Variants in ZFHX3 observed in about 807,000 individuals in gnomAD.
ZFHX3 encodes the protein zinc finger homeobox protein 3.
Under a neutral mutation model 279.1 loss-of-function variants are expected in ZFHX3, and 42 were observed. The ratio of observed to expected loss-of-function variants is 0.15; its 90% CI spans 0.12 to 0.19. ZFHX3 has a LOEUF of 0.19. Ranked by LOEUF, ZFHX3 falls within the 10% of genes least tolerant of loss-of-function variation. ZFHX3 has a pLI of 1.00. For missense variants in ZFHX3, 4,981 were observed against 4,754.0 expected (o/e 1.05, Z -1.40); for synonymous variants, 2,293 against 1,957.8 (o/e 1.17, Z -4.52).
intron 4 of ZFHX3, among the ~76,000 whole-genome samples, chr16:72,885,031 A>G (rs1367529436): frequency 6.6e-6 from 1 of 152,248 alleles, no homozygotes; most frequent in Non-Finnish European, 1.5e-5. Context: ...GAGGAACCTC[A>G]CCTGGTTAGT....
At chr16:72,800,652 G>A (rs996433962) in intron 7 of ZFHX3, among the ~76,000 whole-genome samples, 2 of 152,160 alleles carry the variant, frequency 1.3e-5, no homozygotes, top group African/African-American at 4.8e-5. Context: ...CAAAGGGAAG[G>A]CTAGGGACAC....
In ZFHX3 at chr16:73,488,257, G is replaced by A. The variant is rs116183530; in HGVS notation, c.-1546-31999C>T. On this transcript the variant is annotated intron_variant, in intron 2 of 17. Coordinates refer to the ZFHX3 transcript ENST00000641206. ...ATCCTTTAGGGCTGGCTGATCAGAA[G>A]TGTTGCAATACCAGGGCAGGTTGAG... Among the ~76,000 whole-genome samples, 389 of 152,308 alleles carry A rather than the reference G, an allele frequency of 2.6e-3. 4 individuals are homozygous for A. The highest frequency in any genetic ancestry group is 8.8e-3 in the African/African-American group (367 of 41,570).
intron 7 of ZFHX3, among the ~76,000 whole-genome samples, chr16:73,125,756 T>C (rs1966558223): frequency 6.6e-6 from 1 of 152,058 alleles, no homozygotes; most frequent in Admixed American, 6.6e-5. Flanking sequence ...TGTGATCGTG[T>C]GAGTTAATAC....
chr16:73,535,826 G>A (rs1057154194), intron 2 of ZFHX3, among the ~76,000 whole-genome samples: 4 of 150,890 alleles, frequency 2.7e-5, no homozygotes, highest in Admixed American at 2.0e-4. Flanking sequence ...GGGCTCAAGC[G>A]ATTCTCCTGT....
intron 5 of ZFHX3, among the ~76,000 whole-genome samples, chr16:73,225,181 T>A (rs1005342870): frequency 4.6e-5 from 7 of 152,212 alleles, no homozygotes; most frequent in African/African-American, 1.7e-4. Flanking sequence ...TGGGTATGTA[T>A]TACACACTTG....
rs1415456840 is a variant in ZFHX3, at chr16:73,873,720, A to G, written c.-1608+17931T>C. On this transcript the variant is annotated intron_variant, in intron 1 of 17. Coordinates refer to the ZFHX3 transcript ENST00000641206. ...CTATGACTCTTTAGAAAGGAAAAAA[A>G]TGCATATGAATCAAATAATGTTGAT... 3.3e-5 allele frequency among the ~76,000 whole-genome samples: 5 copies of G among 152,364 alleles called. No individual in the cohort carries two copies. In the East Asian group the frequency reaches 9.6e-4, roughly 29 times the overall value.
chr16:73,044,751 A>C (rs1965231795), intron 1 of ZFHX3, among the ~76,000 whole-genome samples: 1 of 152,106 alleles, frequency 6.6e-6, no homozygotes, highest in Non-Finnish European at 1.5e-5. Context: ...CCTCCTGAGT[A>C]GCTGGAGTTA....
At position 72,787,660 on chromosome 16, in the gene ZFHX3, C is replaced by T; in HGVS notation, c.10616G>A (p.Cys3539Tyr). Residue 3539 changes from cysteine (C) to tyrosine (Y), a missense_variant, in exon 10 of 10, where the codon TGT becomes TAT. Around this residue, in one of 7 missense-constraint regions of ZFHX3, gnomAD observed 1,034 missense variants for 786.0 expected, o/e 1.32. Transcript: ENST00000268489. ...YHCLACESAL[C>Y]GEEALSQHLE... ...ATGTTGACTCAGAGCTTCCTCCCCACAGAGCGCGCTCTCGCACGCCAGGCA... is the reference window on the plus strand; with the variant it reads ...ATGTTGACTCAGAGCTTCCTCCCCATAGAGCGCGCTCTCGCACGCCAGGCA... The T allele has an allele frequency of 6.3e-7, 1 of 1,582,454 alleles. No homozygotes were observed. The highest frequency in any genetic ancestry group is 8.6e-7 in the Non-Finnish European group (1 of 1,163,880).
chr16:72,788,272 A>G lies in ZFHX3; in HGVS notation c.10004T>C (p.Met3335Thr), dbSNP rs751474540. Residue 3335 changes from methionine (M) to threonine (T), a missense_variant, in exon 10 of 10, where the codon ATG becomes ACG. By Grantham distance (81) the Met-to-Thr change is moderately conservative. This residue lies in a region of ZFHX3 where 1,034 missense variants were observed against 786.0 expected (regional missense o/e 1.32). Transcript: ENST00000268489. ...GGGGAACAGGCCTTCCATGCCATAC[A>G]TAGGCTGCAGGTACCCGCTCTGCAG... ...GALQSGYLQPMYGMEGLFPYS... is the reference protein window; with the variant it reads ...GALQSGYLQPTYGMEGLFPYS... 7 of 1,614,078 alleles carry G rather than the reference A, an allele frequency of 4.3e-6. No homozygotes were observed. The highest frequency in any genetic ancestry group is 4.0e-5 in the African/African-American group (3 of 74,936).
At chr16:73,355,606 G>A (rs2016326760) in intron 3 of ZFHX3, among the ~76,000 whole-genome samples, 1 of 152,182 alleles carries the variant, frequency 6.6e-6, no homozygotes, top group African/African-American at 2.4e-5. Context: ...GGCACTTTCT[G>A]TGATACAAGA....
At chr16:73,356,654 G>A (rs2016346070) in intron 3 of ZFHX3, among the ~76,000 whole-genome samples, 1 of 152,072 alleles carries the variant, frequency 6.6e-6, no homozygotes, top group East Asian at 1.9e-4. Flanking sequence ...CATATGCTGA[G>A]CACCTTCTTG....
At chr16:73,243,072 A>C (rs2013173885) in intron 5 of ZFHX3, among the ~76,000 whole-genome samples, 1 of 152,212 alleles carries the variant, frequency 6.6e-6, no homozygotes. Context: ...TGTGCAGTTC[A>C]GCCAGGAGAG....
intron 2 of ZFHX3, among the ~76,000 whole-genome samples, chr16:73,654,547 A>G (rs2052703274): frequency 6.6e-6 from 1 of 152,156 alleles, no homozygotes; most frequent in South Asian, 2.1e-4. Flanking sequence ...ATTCATGAAC[A>G]TAGATATGAA....
chr16:73,433,024 G>A (rs889392991), intron 3 of ZFHX3, among the ~76,000 whole-genome samples: 53 of 152,198 alleles, frequency 3.5e-4, no homozygotes, highest in Admixed American at 3.5e-3. Context: ...ACAGGAGGGA[G>A]AGGCTGGGGC....
chr16:72,829,018 TAG>T (rs2143716671), intron 5 of ZFHX3, among the ~76,000 whole-genome samples: 1 of 150,390 alleles, frequency 6.6e-6, no homozygotes, highest in East Asian at 2.0e-4. Context: ...TTCCCCGAGA[TAG>T]AGTCTCACTC....
At chr16:72,812,078 C>T (rs748629306) in intron 5 of ZFHX3, 40 bp from the exon 6 acceptor site, 1 of 1,604,156 alleles carries the variant, frequency 6.2e-7, no homozygotes, top group East Asian at 2.2e-5. Flanking sequence ...GCAGCCAGAC[C>T]AGGCCAGCTC....
At chr16:72,981,545 T>C (rs752583544) in intron 1 of ZFHX3, among the ~76,000 whole-genome samples, 1 of 152,234 alleles carries the variant, frequency 6.6e-6, no homozygotes, top group Non-Finnish European at 1.5e-5. Flanking sequence ...TATCTCAGCA[T>C]GAATGTTTTA....
intron 4 of ZFHX3, among the ~76,000 whole-genome samples, chr16:72,832,659 C>T (rs142202450): frequency 5.4e-4 from 82 of 151,806 alleles, no homozygotes; most frequent in Non-Finnish European, 1.2e-3. Context: ...GTCCTCAGTC[C>T]CCCACCCCCA....
At chr16:73,083,021 T>TAAAAAAAAAAA (rs71156139) in intron 8 of ZFHX3, among the ~76,000 whole-genome samples, 3 of 132,044 alleles carry the variant, frequency 2.3e-5, no homozygotes, top group African/African-American at 9.3e-5. Flanking sequence ...CCATCTCTAC[T>TAAAAAAAAAAA]AAAAAAAAAA....
Sources: allele counts gnomAD v4.1 joint callset (sites outside exome capture counted in the v4.1 genomes callset), GRCh38; gene constraint gnomAD v4.1.1; regional missense constraint gnomAD v4.1.1; transcripts MANE v1.5; gene names NCBI Gene and HGNC (gene_info 2026-07-23, HGNC 2026-07-21).